The following NUP160 variants were observed in gnomAD, a reference collection of about 807,000 sequenced individuals.
NUP160 encodes nuclear pore complex protein Nup160.
NUP160 carries 94 observed loss-of-function variants against 196.9 expected under a neutral mutation model. The ratio of observed to expected loss-of-function variants is 0.48; its 90% CI spans 0.40 to 0.57. The LOEUF is 0.57. Among genes scored for constraint, NUP160 ranks in the 20% least tolerant of loss-of-function variants. The probability of loss-of-function intolerance (pLI) is 0.00; values close to 1 mark genes in which losing one functional copy is unlikely to be tolerated. For synonymous variants in NUP160, 605 were observed against 619.7 expected, an observed-to-expected ratio of 0.98 and a Z score of 0.35; for missense variants, 1,638 against 1,748.3, an observed-to-expected ratio of 0.94 and a Z score of 1.13.
intron 7 of NUP160, among the ~76,000 whole-genome samples, chr11:47,834,436 A>G (rs1390911354): frequency 1.3e-5 from 2 of 152,178 alleles, no homozygotes; most frequent in African/African-American, 4.8e-5. Flanking sequence ...TCCAGAAGAG[A>G]GAATAGAACA....
At chr11:47,782,499 T>A (rs933055557) in intron 34 of NUP160, among the ~76,000 whole-genome samples, 2 of 150,742 alleles carry the variant, frequency 1.3e-5, no homozygotes, top group Non-Finnish European at 3.0e-5. Flanking sequence ...TACTTAACCA[T>A]GCTCAGGACA....
At chr11:47,837,763 C>T in intron 4 of NUP160, 140 bp from the exon 5 acceptor site, 1 of 613,660 alleles carries the variant, frequency 1.6e-6, no homozygotes, top group Admixed American at 2.8e-5. Flanking sequence ...ATGTAACTTT[C>T]CTGCATATAT....
intron 7 of NUP160, among the ~76,000 whole-genome samples, chr11:47,829,369 G>A (rs1034463253): frequency 5.9e-5 from 9 of 152,100 alleles, no homozygotes; most frequent in African/African-American, 1.9e-4. Context: ...TGGATGGTGC[G>A]ATCCCGGCTC....
intron 2 of NUP160, among the ~76,000 whole-genome samples, chr11:47,844,313 T>C (rs190638965): frequency 4.5e-4 from 68 of 152,328 alleles, no homozygotes; most frequent in Middle Eastern, 6.8e-3. Context: ...GCCCAGATCT[T>C]AGATCACGTC....
chr11:47,803,012 G>A (rs2097675161), intron 22 of NUP160, among the ~76,000 whole-genome samples: 1 of 151,660 alleles, frequency 6.6e-6, no homozygotes, highest in South Asian at 2.1e-4. Context: ...AAGTAAATAA[G>A]TTTGATTTAT....
At chr11:47,818,025 C>T (rs1851773250) in intron 11 of NUP160, 31 bp downstream of exon 11, 2 of 1,415,836 alleles carry the variant, frequency 1.4e-6, no homozygotes. Flanking sequence ...AAGAAATAGT[C>T]TTAAACAAAC....
At chr11:47,796,858 A>C (rs578209699) in intron 27 of NUP160, among the ~76,000 whole-genome samples, 2 of 152,176 alleles carry the variant, frequency 1.3e-5, no homozygotes, top group Non-Finnish European at 2.9e-5. Context: ...ATGCCCGGCT[A>C]TTTTTTGTAT....
intron 1 of NUP160, 61 bp from the exon 2 acceptor site, chr11:47,848,020 G>A (rs946327670): frequency 1.1e-5 from 16 of 1,407,784 alleles, no homozygotes; most frequent in Non-Finnish European, 1.5e-5. Context: ...GGGACTAAGG[G>A]AGCTGACAAA....
chr11:47,834,974 G>A (rs903734328), intron 7 of NUP160, among the ~76,000 whole-genome samples: 1 of 152,010 alleles, frequency 6.6e-6, no homozygotes, highest in Non-Finnish European at 1.5e-5. Context: ...CACATTGGAG[G>A]AGCAATGTGG....
chr11:47,793,148 C>T (rs768659213), intron 27 of NUP160, among the ~76,000 whole-genome samples: 3 of 151,946 alleles, frequency 2.0e-5, no homozygotes, highest in South Asian at 2.1e-4. Context: ...CCACCACGCC[C>T]GGCTAATTTT....
chr11:47,837,194 T>G (rs79896215), intron 5 of NUP160, among the ~76,000 whole-genome samples, 193 bp from the exon 6 acceptor site: 1 of 152,190 alleles, frequency 6.6e-6, no homozygotes, highest in African/African-American at 2.4e-5. Flanking sequence ...TTTAAAAGGC[T>G]CTACATAACA....
intron 27 of NUP160, among the ~76,000 whole-genome samples, chr11:47,795,423 CTA>C (rs893913485): frequency 1.3e-5 from 2 of 152,068 alleles, no homozygotes; most frequent in South Asian, 2.1e-4. Flanking sequence ...ATTTCCCTTC[CTA>C]TATGATTCAA....
chr11:47,782,302 AAATATATATAT>A (rs1355665698), intron 34 of NUP160, among the ~76,000 whole-genome samples: 9 of 42,598 alleles, frequency 2.1e-4, no homozygotes, highest in Middle Eastern at 7.7e-3. Context: ...AAAAAAAAAA[AAATATATATAT>A]ATATATATAT....
chr11:47,846,172 A>AT (rs1295418329), intron 2 of NUP160, among the ~76,000 whole-genome samples: 2 of 150,400 alleles, frequency 1.3e-5, no homozygotes, highest in Admixed American at 6.8e-5. Context: ...AGAAAAAAAA[A>AT]TTTTTTTTGT....
At chr11:47,833,722 G>C (rs1852118269) in intron 7 of NUP160, among the ~76,000 whole-genome samples, 1 of 152,114 alleles carries the variant, frequency 6.6e-6, no homozygotes, top group Non-Finnish European at 1.5e-5. Context: ...CTTGTACTCT[G>C]GGAGGCCGAA....
intron 29 of NUP160, among the ~76,000 whole-genome samples, chr11:47,790,008 C>T (rs1434627541): frequency 3.3e-5 from 5 of 150,332 alleles, no homozygotes; most frequent in Admixed American, 6.7e-5. Flanking sequence ...TGCAATGGCG[C>T]GATCTCGGCT....
intron 13 of NUP160, 72 bp downstream of exon 13, chr11:47,815,407 T>C (rs2097683819): frequency 3.1e-6 from 4 of 1,273,516 alleles, no homozygotes; most frequent in Middle Eastern, 2.0e-4. Context: ...CTTTTTGTTT[T>C]CTGAAGGCAT....
intron 27 of NUP160, among the ~76,000 whole-genome samples, chr11:47,793,833 T>G (rs185327061): frequency 6.9e-6 from 1 of 143,906 alleles, no homozygotes; most frequent in Non-Finnish European, 1.5e-5. Context: ...CTCTGCTTCC[T>G]GGGTTCAAGC....
chr11:47,816,210 TGG>T (rs2097684353), intron 11 of NUP160, among the ~76,000 whole-genome samples, 181 bp from the exon 12 acceptor site: 1 of 152,212 alleles, frequency 6.6e-6, no homozygotes, highest in African/African-American at 2.4e-5. Flanking sequence ...AAAGGTGACC[TGG>T]AAAGATTCTT....
Sources: gnomAD v4.1 joint callset for allele counts (sites outside exome capture counted in the v4.1 genomes callset) on GRCh38, gnomAD v4.1.1 for gene constraint, MANE v1.5 for transcripts, NCBI Gene and HGNC (gene_info 2026-07-23, HGNC 2026-07-21) for gene names.